The following IFNAR2 variants were observed in gnomAD, a reference collection of about 807,000 sequenced individuals.
IFNAR2 encodes the protein interferon alpha and beta receptor subunit 2.
Under a neutral mutation model 49.4 loss-of-function variants are expected in IFNAR2, and 30 were observed. That is an observed-to-expected ratio of 0.61 (90% CI 0.45 to 0.82). The LOEUF is 0.82. Ranked by LOEUF, IFNAR2 falls within the 40% of genes least tolerant of loss-of-function variation. The pLI is 0.00. For synonymous variants in IFNAR2, 224 were observed against 234.5 expected (o/e 0.96, Z 0.41); for missense variants, 600 against 622.7 (o/e 0.96, Z 0.39).
chr21:33,259,572 C>T (rs1277843888), intron 7 of IFNAR2, among the ~76,000 whole-genome samples: 2 of 152,216 alleles, frequency 1.3e-5, no homozygotes, highest in Non-Finnish European at 2.9e-5. Flanking sequence ...TGGATGGGTA[C>T]ATGAGTCACA....
chr21:33,236,672 G>A, intron 1 of IFNAR2: 1 of 985,216 alleles, frequency 1.0e-6, no homozygotes, highest in African/African-American at 1.7e-5. Context: ...AGCCAGACAG[G>A]GCCTGGGATT....
At chr21:33,254,768 T>C (rs1181251770) in intron 7 of IFNAR2, among the ~76,000 whole-genome samples, 1 of 152,202 alleles carries the variant, frequency 6.6e-6, no homozygotes, top group Non-Finnish European at 1.5e-5. Context: ...GTGTACATCT[T>C]ACATGCATTG....
chr21:33,251,122 A>C (rs1468736416), intron 6 of IFNAR2, among the ~76,000 whole-genome samples: 1 of 152,158 alleles, frequency 6.6e-6, no homozygotes, highest in Non-Finnish European at 1.5e-5. Flanking sequence ...GGGAATAGAC[A>C]CTCAGAGAGA....
chr21:33,263,765 G>A lies in IFNAR2; in HGVS notation c.*265G>A. The A allele has an allele frequency of 2.3e-6, 1 of 438,148 alleles. No homozygotes were observed. Among genetic ancestry groups the A allele is most frequent in the South Asian group, 3.2e-5 (1 of 31,474 alleles). 27.1% of individuals were successfully genotyped at this position (438,148 alleles called of 1,614,324 possible). On this transcript the variant is annotated 3_prime_UTR_variant, in exon 9 of 9. Coordinates refer to ENST00000342136, the MANE Select transcript of IFNAR2 (RefSeq NM_001289125.3). ...CTTTCCTTTACACTAATGCACTTAG[G>A]ATGTTTCTGCATCATGTCTACCAGG...
At chr21:33,253,802 A>T (rs545099407) in intron 7 of IFNAR2, among the ~76,000 whole-genome samples, 2 of 152,132 alleles carry the variant, frequency 1.3e-5, no homozygotes, top group East Asian at 3.9e-4. Flanking sequence ...TTGTAAACTC[A>T]TGGTGCTGGT....
At position 33,230,893 on chromosome 21, in the gene IFNAR2, C is replaced by T. The variant is rs957304475; in HGVS notation, c.-84+677C>T. Among the ~76,000 whole-genome samples the T allele has an allele frequency of 6.6e-6, 1 of 152,230 alleles. No homozygotes were observed. Among genetic ancestry groups the T allele is most frequent in the Non-Finnish European group, 1.5e-5 (1 of 68,044 alleles). On this transcript the variant is annotated intron_variant, in intron 1 of 8. Transcript: ENST00000342136. The surrounding 1 kb of genome is among the most constrained non-coding windows in gnomAD (Gnocchi z 5.5). ...GAGGCGATCGGCACTTGCATTTCAA[C>T]CCTGAGCAAATCAATCCGTTACACG...
intron 2 of IFNAR2, 78 bp from the exon 3 acceptor site, chr21:33,243,595 A>C: frequency 8.0e-7 from 1 of 1,252,396 alleles, no homozygotes; most frequent in African/African-American, 1.5e-5. Flanking sequence ...GTGTTAAAGA[A>C]TGTCAGACTT....
intron 7 of IFNAR2, among the ~76,000 whole-genome samples, chr21:33,259,818 A>G (rs995771923): frequency 3.3e-5 from 5 of 152,198 alleles, no homozygotes; most frequent in Non-Finnish European, 4.4e-5. Context: ...TGAACTATCA[A>G]GGGTTTTTAC....
chr21:33,245,279 A>T (rs1464141135), intron 4 of IFNAR2, among the ~76,000 whole-genome samples: 2 of 152,218 alleles, frequency 1.3e-5, no homozygotes, highest in Admixed American at 1.3e-4. Context: ...ATACTTTAAT[A>T]ATCCAAATCT....
intron 7 of IFNAR2, among the ~76,000 whole-genome samples, chr21:33,255,041 C>T (rs897518808): frequency 2.0e-5 from 3 of 152,158 alleles, no homozygotes; most frequent in African/African-American, 7.2e-5. Context: ...TGATTTGATT[C>T]TCTAGTGTTC....
chr21:33,259,553 T>C (rs1236656601), intron 7 of IFNAR2, among the ~76,000 whole-genome samples: 1 of 152,240 alleles, frequency 6.6e-6, no homozygotes, highest in Non-Finnish European at 1.5e-5. Context: ...GTAGCTGTTA[T>C]ATGCAAGTTG....
At chr21:33,235,367 T>C (rs1464414595) in intron 1 of IFNAR2, among the ~76,000 whole-genome samples, 1 of 152,164 alleles carries the variant, frequency 6.6e-6, no homozygotes, top group Non-Finnish European at 1.5e-5. Flanking sequence ...GGGGGTGACC[T>C]GTCACCTGGG....
chr21:33,230,976 C>CT lies in IFNAR2; in HGVS notation c.-84+761dup, dbSNP rs1491446063. 3.9e-5 allele frequency among the ~76,000 whole-genome samples: 6 copies of CT among 151,926 alleles called. No homozygotes were observed. The highest frequency in any genetic ancestry group is 1.2e-4 in the African/African-American group (5 of 41,190). The stretch of plus-strand genomic sequence containing the variant: ...TTGGTTAGCGATGGTTATATTGACT[C>CT]TGAGTATTCCCACCTCCTTTCTTTT... On this transcript the variant is annotated intron_variant, in intron 1 of 8. Coordinates refer to ENST00000342136, the MANE Select transcript of IFNAR2 (RefSeq NM_001289125.3). The surrounding 1 kb of genome is among the most constrained non-coding windows in gnomAD (Gnocchi z 5.5).
chr21:33,262,210 C>T (rs771257768), intron 8 of IFNAR2, among the ~76,000 whole-genome samples: 2 of 151,782 alleles, frequency 1.3e-5, no homozygotes, highest in South Asian at 4.2e-4. Flanking sequence ...ACTAAAAATA[C>T]AAAAATTTGC....
chr21:33,263,238 C>CT lies in IFNAR2; in HGVS notation c.1287dup (p.Val430CysfsTer7). Reference sequence around the variant, plus strand: ...ATTACCTTCAATGTGGACTTAAACTCTGTGTTTTTGAGAGTTCTTGATGAC... The same window carrying CT: ...ATTACCTTCAATGTGGACTTAAACTCTTGTGTTTTTGAGAGTTCTTGATGAC... On this transcript the variant is annotated frameshift_variant, in exon 9 of 9. Coordinates refer to ENST00000342136, the MANE Select transcript of IFNAR2 (RefSeq NM_001289125.3). LOFTEE classifies it high-confidence loss of function. 1 of 1,614,204 alleles carries CT rather than the reference C, an allele frequency of 6.2e-7. No individual in the cohort carries two copies. Among genetic ancestry groups the CT allele is most frequent in the Non-Finnish European group, 8.5e-7 (1 of 1,180,042 alleles).
In IFNAR2 at chr21:33,230,244, G is replaced by A; in HGVS notation, c.-84+28G>A. On this transcript the variant is annotated intron_variant, in intron 1 of 8. Coordinates refer to ENST00000342136, the MANE Select transcript of IFNAR2 (RefSeq NM_001289125.3). This position sits in a 1 kb window ranked among gnomAD's most constrained non-coding sequence, Gnocchi z 5.5. ...AACGCAGCGTGGCGGGGTCGCGGGA[G>A]CGGAGCGCGTGGCCAGCTGACTGGA... 1 of 1,095,278 alleles carries A rather than the reference G, an allele frequency of 9.1e-7. No homozygotes were observed. Among genetic ancestry groups the A allele is most frequent in the Non-Finnish European group, 1.1e-6 (1 of 892,138 alleles). 67.8% of individuals were successfully genotyped at this position (1,095,278 alleles called of 1,614,324 possible).
chr21:33,235,992 T>G (rs1277480928), intron 1 of IFNAR2, among the ~76,000 whole-genome samples: 1 of 152,126 alleles, frequency 6.6e-6, no homozygotes, highest in East Asian at 1.9e-4. Flanking sequence ...ATTGCAGTTC[T>G]TTATATTATG....
In IFNAR2 at chr21:33,241,859, A is replaced by T. The variant is rs750211146; in HGVS notation, c.-64A>T. 6 of 1,601,658 alleles carry T rather than the reference A, an allele frequency of 3.7e-6. No individual in the cohort carries two copies. Among genetic ancestry groups the T allele is most frequent in the Non-Finnish European group, 5.1e-6 (6 of 1,174,366 alleles). ...TTGCAGTTTAATTAGACACTTCAGA[A>T]TTTTGATCACCTAATGTTGATTTCA... On this transcript the variant is annotated 5_prime_UTR_variant, in exon 2 of 9. Coordinates refer to ENST00000342136, the MANE Select transcript of IFNAR2 (RefSeq NM_001289125.3).
Position 33,265,642 on chromosome 21 carries a change from C to A in IFNAR2, c.*2142C>A. On this transcript the variant is annotated 3_prime_UTR_variant, in exon 9 of 9. Coordinates refer to ENST00000342136, the MANE Select transcript of IFNAR2 (RefSeq NM_001289125.3). ...GATTGGAGGTTGGTAAAAAGTAACACAACAGTACTTTTTTAATACAAACTT... is the reference window on the plus strand; with the variant it reads ...GATTGGAGGTTGGTAAAAAGTAACAAAACAGTACTTTTTTAATACAAACTT... 4.6e-6 allele frequency: 1 copy of A among 219,242 alleles called. No homozygotes were observed. Among genetic ancestry groups the A allele is most frequent in the Non-Finnish European group, 9.5e-6 (1 of 105,496 alleles). 13.6% of individuals were successfully genotyped at this position (219,242 alleles called of 1,614,324 possible).
Sources: gnomAD v4.1 joint callset for allele counts (sites outside exome capture counted in the v4.1 genomes callset) on GRCh38, gnomAD v4.1.1 for gene constraint, Gnocchi (gnomAD v3.1) non-coding constraint, MANE v1.5 for transcripts, NCBI Gene and HGNC (gene_info 2026-07-23, HGNC 2026-07-21) for gene names.